The following SUCLG1 variants were observed in gnomAD, a reference collection of about 807,000 sequenced individuals.
SUCLG1 encodes succinate-CoA ligase GDP/ADP-forming subunit alpha, also known as succinate--CoA ligase [ADP/GDP-forming] subunit alpha, mitochondrial.
SUCLG1 carries 26 observed loss-of-function variants against 37.3 expected under a neutral mutation model. The observed-to-expected ratio is 0.70, with a 90% CI of 0.51 to 0.97. The LOEUF (loss-of-function observed/expected upper bound fraction) is 0.97. Among genes scored for constraint, SUCLG1 ranks in the 50% least tolerant of loss-of-function variants. The pLI, the probability that SUCLG1 is intolerant of heterozygous loss-of-function variation, is 0.00. For synonymous variants in SUCLG1, 163 were observed against 155.6 expected, an observed-to-expected ratio of 1.05 and a Z score of -0.36; for missense variants, 433 against 432.9, an observed-to-expected ratio of 1.00 and a Z score of 0.00.
intron 1 of SUCLG1, among the ~76,000 whole-genome samples, chr2:84,453,948 C>A (rs1033412913): frequency 1.2e-4 from 19 of 152,202 alleles, no homozygotes; most frequent in African/African-American, 4.3e-4. Context: ...TTCCAGCAGC[C>A]ATGTAACCCA....
At chr2:84,438,691 G>T (rs1672724880) in intron 5 of SUCLG1, among the ~76,000 whole-genome samples, 1 of 152,186 alleles carries the variant, frequency 6.6e-6, no homozygotes, top group Admixed American at 6.5e-5. Context: ...AGTGTTGAAA[G>T]TGAAGCCAGC....
intron 1 of SUCLG1, among the ~76,000 whole-genome samples, chr2:84,457,243 T>C (rs1403194829): frequency 3.9e-5 from 6 of 152,196 alleles, no homozygotes; most frequent in Non-Finnish European, 5.9e-5. Context: ...GAAAATGGGC[T>C]CGGAAATGTG....
In SUCLG1 at chr2:84,429,404, G is replaced by C. The variant is rs1390168517; in HGVS notation, c.825+2104C>G. Among the ~76,000 whole-genome samples, 7 of 151,660 alleles carry C rather than the reference G, an allele frequency of 4.6e-5. No individual in the cohort carries two copies. In the East Asian group the frequency reaches 1.4e-3, roughly 29 times the overall value. Reference sequence around the variant, plus strand: ...TCAGTTTTTACTTATATTTCAAACTGTACAACTTTCTGAACACAAGGGAAT... The same window carrying C: ...TCAGTTTTTACTTATATTTCAAACTCTACAACTTTCTGAACACAAGGGAAT... On this transcript the variant is annotated intron_variant, in intron 7 of 8. Coordinates refer to ENST00000393868, the MANE Select transcript of SUCLG1 (RefSeq NM_003849.4).
intron 5 of SUCLG1, 84 bp from the exon 6 acceptor site, chr2:84,433,519 A>C: frequency 9.3e-7 from 1 of 1,071,748 alleles, no homozygotes. Context: ...AAACACTTCG[A>C]GTGACTAACA....
chr2:84,452,779 A>G (rs1055633524), intron 1 of SUCLG1, among the ~76,000 whole-genome samples: 3 of 152,158 alleles, frequency 2.0e-5, no homozygotes, highest in Non-Finnish European at 1.5e-5. Flanking sequence ...CTTGTCTCCT[A>G]TGGTATATGG....
At chr2:84,453,409 A>G (rs551688645) in intron 1 of SUCLG1, among the ~76,000 whole-genome samples, 2 of 129,740 alleles carry the variant, frequency 1.5e-5, no homozygotes, top group South Asian at 5.8e-4. Context: ...TAAGAAGAAA[A>G]TAAGTATTAT....
At chr2:84,438,103 G>A (rs1672714684) in intron 5 of SUCLG1, among the ~76,000 whole-genome samples, 1 of 152,172 alleles carries the variant, frequency 6.6e-6, no homozygotes, top group Non-Finnish European at 1.5e-5. Context: ...GTAACATGAA[G>A]GATACTTGTG....
At chr2:84,443,450 C>G (rs759590965) in intron 2 of SUCLG1, 50 bp from the exon 3 acceptor site, 6 of 1,522,130 alleles carry the variant, frequency 3.9e-6, no homozygotes, top group Non-Finnish European at 9.1e-7. Flanking sequence ...CTGGTAAGCC[C>G]AAGAGAAGCA....
chr2:84,455,127 A>C (rs935083583), intron 1 of SUCLG1, among the ~76,000 whole-genome samples: 3 of 152,212 alleles, frequency 2.0e-5, no homozygotes, highest in Non-Finnish European at 4.4e-5. Flanking sequence ...CACTATTCAA[A>C]TGTTAAATTA....
rs779938026 is a variant in SUCLG1 at position 84,441,231 on chromosome 2, G to A, written c.531+16C>T. 2 of 1,613,776 alleles carry A rather than the reference G, an allele frequency of 1.2e-6. No individual in the cohort carries two copies. Among genetic ancestry groups the A allele is most frequent in the Admixed American group, 3.3e-5 (2 of 59,984 alleles). ...AGAGGCTTAATCTGAGTTTCTTTTT[G>A]TTTTTTTGCACTCACATTGATGACT... On this transcript the variant is annotated intron_variant, in intron 4 of 8. Transcript: ENST00000393868.
intron 1 of SUCLG1, 111 bp downstream of exon 1, chr2:84,459,062 C>T (rs895630079): frequency 7.0e-6 from 8 of 1,135,396 alleles, no homozygotes; most frequent in Non-Finnish European, 8.5e-6. Flanking sequence ...GGCTCCCAGG[C>T]CCCCGCCGAG....
chr2:84,433,674 A>G, intron 5 of SUCLG1: 1 of 532,626 alleles, frequency 1.9e-6, no homozygotes, highest in Non-Finnish European at 3.4e-6. Context: ...AGGTTATTTT[A>G]TGACTATAAA....
intron 2 of SUCLG1, among the ~76,000 whole-genome samples, chr2:84,445,281 G>A (rs951650483): frequency 2.0e-5 from 3 of 152,114 alleles, no homozygotes; most frequent in African/African-American, 4.8e-5. Flanking sequence ...GGCTTCAGCC[G>A]GTCCCTCCGT....
chr2:84,446,525 TAGGAAACTTGGCCCCA>T (rs1672854829), intron 2 of SUCLG1, among the ~76,000 whole-genome samples: 1 of 152,156 alleles, frequency 6.6e-6, no homozygotes, highest in Non-Finnish European at 1.5e-5. Flanking sequence ...TTTTTCAAAA[TAGGAAACTTGGCCCCA>T]AGCATGTTAA....
At chr2:84,447,703 T>G (rs2104261491) in intron 2 of SUCLG1, among the ~76,000 whole-genome samples, 1 of 152,286 alleles carries the variant, frequency 6.6e-6, no homozygotes, top group East Asian at 1.9e-4. Context: ...ATAAGGGAAG[T>G]GGCATACATA....
At chr2:84,449,556 CAT>C (rs773484857) in intron 2 of SUCLG1, 91 bp downstream of exon 2, 92 of 866,492 alleles carry the variant, frequency 1.1e-4, no homozygotes, top group East Asian at 6.0e-4. Context: ...CTGCAACAAT[CAT>C]GTGTTATTTT....
At chr2:84,425,220 A>C (rs1672514344) in intron 8 of SUCLG1, among the ~76,000 whole-genome samples, 195 bp downstream of exon 8, 1 of 152,248 alleles carries the variant, frequency 6.6e-6, no homozygotes, top group Non-Finnish European at 1.5e-5. Flanking sequence ...GAAAGCTTTA[A>C]AATAAGAACA....
rs561726435 is a variant in SUCLG1, at chr2:84,440,195, A to G, written c.589+852T>C. Among the ~76,000 whole-genome samples, 638 of 152,248 alleles carry G rather than the reference A, an allele frequency of 4.2e-3. 2 individuals carry two copies. The highest frequency in any genetic ancestry group is 7.2e-3 in the South Asian group (35 of 4,828). ...TTCGAGGCCAGCCTGACCAACATGG[A>G]GAAACCCGTCTCTACTAAAAATACA... On this transcript the variant is annotated intron_variant, in intron 5 of 8. Coordinates refer to ENST00000393868, the MANE Select transcript of SUCLG1 (RefSeq NM_003849.4).
chr2:84,458,088 T>C (rs1055272399), intron 1 of SUCLG1, among the ~76,000 whole-genome samples: 1 of 151,816 alleles, frequency 6.6e-6, no homozygotes, highest in African/African-American at 2.4e-5. Flanking sequence ...GTTTGTTACA[T>C]ACGAGATGCT....
Sources: allele counts gnomAD v4.1 joint callset (sites outside exome capture counted in the v4.1 genomes callset), GRCh38; gene constraint gnomAD v4.1.1; transcripts MANE v1.5; gene names NCBI Gene and HGNC (gene_info 2026-07-23, HGNC 2026-07-21).